GRM1: variants seen among roughly 807,000 people sequenced by gnomAD.
GRM1 encodes metabotropic glutamate receptor 1.
GRM1 carries 33 observed loss-of-function variants against 90.9 expected under a neutral mutation model. The observed-to-expected ratio is 0.36, with a 90% CI of 0.28 to 0.49. GRM1 has a LOEUF of 0.49. Among genes scored for constraint, GRM1 ranks in the 20% least tolerant of loss-of-function variants. GRM1 has a pLI of 0.99. For missense variants in GRM1, 1,190 were observed against 1,534.3 expected (o/e 0.78, Z 3.75); for synonymous variants, 700 against 613.2 (o/e 1.14, Z -2.09).
At chr6:146,403,022 A>T (rs1004547012) in intron 7 of GRM1, among the ~76,000 whole-genome samples, 8 of 152,196 alleles carry the variant, frequency 5.3e-5, no homozygotes, top group East Asian at 3.9e-4. Context: ...TTAGCTTTTT[A>T]AAAAAATGAA....
intron 7 of GRM1, among the ~76,000 whole-genome samples, chr6:146,427,631 A>T (rs1023171954): frequency 1.2e-4 from 18 of 152,204 alleles, no homozygotes; most frequent in African/African-American, 4.3e-4. Flanking sequence ...GCTATTCCTC[A>T]TACAAACCCA....
intron 5 of GRM1, among the ~76,000 whole-genome samples, chr6:146,359,653 G>A (rs1184600452): frequency 1.3e-5 from 2 of 152,116 alleles, no homozygotes; most frequent in East Asian, 1.9e-4. Context: ...CACATACCAC[G>A]TGTGCTCCCC....
chr6:146,185,893 G>C (rs963635781), intron 2 of GRM1, among the ~76,000 whole-genome samples: 1 of 151,970 alleles, frequency 6.6e-6, no homozygotes, highest in Non-Finnish European at 1.5e-5. Flanking sequence ...CATACCTTTA[G>C]TTAGATCTCA....
rs557933781 is a variant in GRM1 at position 146,312,108 on chromosome 6, G to A, written c.1186+7262G>A. On this transcript the variant is annotated intron_variant, in intron 3 of 7. Coordinates refer to ENST00000282753, the MANE Select transcript of GRM1 (RefSeq NM_001278064.2). ...TGTAATCCCAGCACTTTGGGAGGCC[G>A]AGGTGGGCGGATCAAGAGGTCAGGA... Among the ~76,000 whole-genome samples, 25 of 152,056 alleles carry A rather than the reference G, an allele frequency of 1.6e-4. No individual in the cohort carries two copies. The South Asian group carries it at 4.0e-3, about 24-fold the overall frequency.
At chr6:146,122,740 A>T (rs1776035720) in intron 1 of GRM1, among the ~76,000 whole-genome samples, 2 of 146,810 alleles carry the variant, frequency 1.4e-5, no homozygotes, top group African/African-American at 5.1e-5. Context: ...AACCTCAATC[A>T]TTTTTGTGGG....
At chr6:146,243,691 T>C (rs949163793) in intron 2 of GRM1, among the ~76,000 whole-genome samples, 3 of 152,112 alleles carry the variant, frequency 2.0e-5, no homozygotes, top group Admixed American at 6.6e-5. Flanking sequence ...TGAAGTTGCA[T>C]GTTCCACTGG....
At chr6:146,052,969 C>A (rs1269340325) in intron 1 of GRM1, among the ~76,000 whole-genome samples, 2 of 152,070 alleles carry the variant, frequency 1.3e-5, no homozygotes, top group East Asian at 1.9e-4. Context: ...AATAAAAAAA[C>A]CCCGGGGTTT....
At chr6:146,345,231 A>G (rs191741043) in intron 3 of GRM1, among the ~76,000 whole-genome samples, 16 of 152,288 alleles carry the variant, frequency 1.1e-4, no homozygotes, top group Admixed American at 1.0e-3. Context: ...CTTCCATTTC[A>G]TCTACTTGGC....
At chr6:146,119,635 A>G (rs1775904039) in intron 1 of GRM1, among the ~76,000 whole-genome samples, 1 of 152,178 alleles carries the variant, frequency 6.6e-6, no homozygotes, top group Admixed American at 6.5e-5. Flanking sequence ...TAAGGAAGGG[A>G]TCCAGTTTCA....
rs186658504 is a variant in GRM1 at position 146,200,776 on chromosome 6, A to G, written c.950+41179A>G. 1.7e-3 allele frequency among the ~76,000 whole-genome samples: 266 copies of G among 152,294 alleles called. 2 individuals carry two copies. Among genetic ancestry groups the G allele is most frequent in the African/African-American group, 5.8e-3 (242 of 41,576 alleles). On this transcript the variant is annotated intron_variant, in intron 2 of 7. Transcript: ENST00000282753. Reference sequence around the variant, plus strand: ...AGGTGGAGAGAGACTTCAGGCCACAATGCAAATCTGAAATCTGTAAAAGAG... The same window carrying G: ...AGGTGGAGAGAGACTTCAGGCCACAGTGCAAATCTGAAATCTGTAAAAGAG...
intron 2 of GRM1, among the ~76,000 whole-genome samples, chr6:146,162,955 T>G (rs1051379240): frequency 2.0e-5 from 3 of 152,152 alleles, no homozygotes; most frequent in African/African-American, 7.2e-5. Context: ...TGGCTCCACA[T>G]CATCTTTAAA....
intron 1 of GRM1, among the ~76,000 whole-genome samples, chr6:146,133,776 C>A (rs1172805151): frequency 6.6e-6 from 1 of 152,218 alleles, no homozygotes; most frequent in Non-Finnish European, 1.5e-5. Context: ...CAACATGACG[C>A]CTCAGCTGCC....
intron 7 of GRM1, among the ~76,000 whole-genome samples, chr6:146,426,325 C>CACAG (rs1778209422): frequency 6.6e-6 from 1 of 151,712 alleles, no homozygotes; most frequent in African/African-American, 2.4e-5. Context: ...CACACACACA[C>CACAG]AGCAAAAAAA....
rs1213489546 is a variant in GRM1 at position 146,434,362 on chromosome 6, G to C, written c.3151G>C (p.Val1051Leu). 2 of 1,613,270 alleles carry C rather than the reference G, an allele frequency of 1.2e-6. No individual in the cohort carries two copies. The highest frequency in any genetic ancestry group is 1.7e-6 in the Non-Finnish European group (2 of 1,179,496). The change falls in exon 8 of 8, where the codon GTG (valine) becomes CTG (leucine). Residue 1051 changes from valine to leucine, a missense_variant. Physicochemically the swap from Val to Leu is conservative, Grantham distance 32. Transcript: ENST00000282753. ...FSTAIPDFHA[V>L]LAGPGGPGNG... ...TACCGCGATCCCGGATTTTCACGCG[G>C]TGCTGGCAGGCCCCGGTGGTCCCGG...
At chr6:146,122,813 T>C (rs1018063202) in intron 1 of GRM1, among the ~76,000 whole-genome samples, 4 of 150,470 alleles carry the variant, frequency 2.7e-5, no homozygotes, top group African/African-American at 7.3e-5. Context: ...ATTTCTTTTT[T>C]TCTTTTTCTT....
rs1782095834 is a variant in GRM1, at chr6:146,270,849, T to TTTTCTTTTTTCTTTC, written c.951-33755_951-33754insTTTCTTTCTTTCTTT. Among the ~76,000 whole-genome samples the TTTTCTTTTTTCTTTC allele has an allele frequency of 3.3e-5, 3 of 91,756 alleles. 1 individual carries two copies. The East Asian group carries it at 1.1e-3, about 34-fold the overall frequency. The allele number at this position is 91,756 out of a possible 152,430, so 60.2% of individuals were successfully genotyped here. A position where few individuals can be genotyped will look rare whatever the true frequency, so the allele number is the denominator to read the frequency against. ...TGCCTGCCTGCCTGCCTTTCTTTCT[T>TTTTCTTTTTTCTTTC]TTTCTTTCTTTCTTTCTTTCTTTCT... On this transcript the variant is annotated intron_variant, in intron 2 of 7. Coordinates refer to ENST00000282753, the MANE Select transcript of GRM1 (RefSeq NM_001278064.2).
intron 1 of GRM1, among the ~76,000 whole-genome samples, chr6:146,125,766 C>G (rs1388224392): frequency 6.6e-6 from 1 of 151,804 alleles, no homozygotes; most frequent in East Asian, 1.9e-4. Context: ...TTTTCTAATT[C>G]ACTTACTCAG....
chr6:146,273,075 G>A (rs1443432897), intron 2 of GRM1, among the ~76,000 whole-genome samples: 1 of 152,186 alleles, frequency 6.6e-6, no homozygotes, highest in African/African-American at 2.4e-5. Flanking sequence ...AGAATGTTGT[G>A]TGACTTGTTC....
chr6:146,293,967 T>G (rs1308862250), intron 2 of GRM1, among the ~76,000 whole-genome samples: 2 of 147,844 alleles, frequency 1.4e-5, no homozygotes, highest in Non-Finnish European at 3.0e-5. Context: ...AATTTTATGC[T>G]AAATATTGTT....
Sources: allele counts gnomAD v4.1 joint callset (sites outside exome capture counted in the v4.1 genomes callset), GRCh38; gene constraint gnomAD v4.1.1; transcripts MANE v1.5; gene names NCBI Gene and HGNC (gene_info 2026-07-23, HGNC 2026-07-21).